Variants in GTF2E2 observed in about 807,000 individuals in gnomAD.
The protein encoded by GTF2E2 is transcription initiation factor IIE subunit beta.
In GTF2E2, 21 loss-of-function variants were observed where a neutral mutation model predicts 40.5. The observed-to-expected ratio is 0.52, with a 90% confidence interval of 0.37 to 0.75. The LOEUF (loss-of-function observed/expected upper bound fraction) is 0.75. Ranked by LOEUF, GTF2E2 falls within the 30% of genes least tolerant of loss-of-function variation. GTF2E2 has a pLI of 0.00. For missense variants in GTF2E2, 298 were observed against 338.4 expected, an observed-to-expected ratio of 0.88 and a Z score of 0.94; for synonymous variants, 117 against 121.6, an observed-to-expected ratio of 0.96 and a Z score of 0.25.
chr8:30,631,122 G>A (rs985189694), intron 3 of GTF2E2, among the ~76,000 whole-genome samples: 18 of 152,102 alleles, frequency 1.2e-4, no homozygotes, highest in African/African-American at 4.1e-4. Flanking sequence ...CCACCTCCCA[G>A]GCTCATGTGA....
chr8:30,653,617 T>C lies in GTF2E2; in HGVS notation c.-4-15A>G, dbSNP rs1432925299. 6 of 1,591,116 alleles carry C rather than the reference T, an allele frequency of 3.8e-6. No homozygotes were observed. The highest frequency in any genetic ancestry group is 3.4e-5 in the South Asian group (3 of 88,090). ...GATCCATAATGCTACAAAGAAAAAA[T>C]AAGTGTCTTTAATACAAATTCAAGT... On this transcript the variant is annotated splice_polypyrimidine_tract_variant and intron_variant, in intron 1 of 7. Transcript: ENST00000355904.
At chr8:30,599,988 T>A (rs541791717) in intron 6 of GTF2E2, among the ~76,000 whole-genome samples, 46 of 151,844 alleles carry the variant, frequency 3.0e-4, no homozygotes, top group Non-Finnish European at 6.5e-4. Flanking sequence ...TCTCAAAAAA[T>A]AAATAAATAA....
intron 3 of GTF2E2, among the ~76,000 whole-genome samples, chr8:30,628,480 A>G (rs1348557187): frequency 1.3e-5 from 2 of 152,214 alleles, no homozygotes; most frequent in African/African-American, 4.8e-5. Context: ...ATAAATGTGA[A>G]CTCGGAGGTA....
At chr8:30,599,946 G>A (rs532873491) in intron 6 of GTF2E2, among the ~76,000 whole-genome samples, 71 of 152,250 alleles carry the variant, frequency 4.7e-4, no homozygotes, top group African/African-American at 1.7e-3. Flanking sequence ...TCACGCCACT[G>A]CACCCCAGCC....
chr8:30,638,316 T>C (rs1208075376), intron 2 of GTF2E2, among the ~76,000 whole-genome samples: 4 of 152,212 alleles, frequency 2.6e-5, no homozygotes, highest in African/African-American at 9.7e-5. Context: ...CACTGAAGTA[T>C]TCACTGAAGG....
rs140440274 is a variant in GTF2E2, at chr8:30,607,154, A to C, written c.550-4T>G. The C allele has an allele frequency of 8.6e-7, 1 of 1,161,224 alleles. No homozygotes were observed. Among genetic ancestry groups the C allele is most frequent in the Non-Finnish European group, 1.2e-6 (1 of 803,628 alleles). The allele number at this position is 1,161,224 out of a possible 1,614,324, so 71.9% of individuals were successfully genotyped here. A position where few individuals can be genotyped will look rare whatever the true frequency, so the allele number is the denominator to read the frequency against. The stretch of plus-strand genomic sequence containing the variant: ...ATAGTATCTGGTCCCCCAAAGCCTT[A>C]AAGATAGATAAAATAAAGATTTTTC... On this transcript the variant is annotated splice_region_variant and splice_polypyrimidine_tract_variant and intron_variant, in intron 5 of 7. Transcript: ENST00000355904.
At chr8:30,601,527 G>A (rs1315355047) in intron 6 of GTF2E2, among the ~76,000 whole-genome samples, 1 of 151,970 alleles carries the variant, frequency 6.6e-6, no homozygotes, top group East Asian at 1.9e-4. Flanking sequence ...ACAAGGCTCA[G>A]GACACTCCCC....
At chr8:30,653,264 C>G (rs1802342262) in intron 2 of GTF2E2, among the ~76,000 whole-genome samples, 169 bp downstream of exon 2, 1 of 152,156 alleles carries the variant, frequency 6.6e-6, no homozygotes, top group Non-Finnish European at 1.5e-5. Flanking sequence ...AACTACAGCA[C>G]AAGACTATTA....
chr8:30,649,104 A>G (rs1402890689), intron 2 of GTF2E2, among the ~76,000 whole-genome samples: 1 of 152,146 alleles, frequency 6.6e-6, no homozygotes. Flanking sequence ...TTTGTTTATG[A>G]TGAGTTAATT....
intron 6 of GTF2E2, among the ~76,000 whole-genome samples, chr8:30,595,552 G>T (rs528186654): frequency 6.6e-6 from 1 of 152,050 alleles, no homozygotes. Context: ...TATTTTTGCC[G>T]GATGCAGTTG....
rs368200892 is a variant in GTF2E2, at chr8:30,644,620, T to C, written c.166+8813A>G. 3.2e-4 allele frequency: 49 copies of C among 152,260 alleles called. 1 individual carries two copies. The highest frequency in any genetic ancestry group is 1.2e-3 in the African/African-American group (49 of 41,536). The allele number at this position is 152,260 out of a possible 1,614,324, so 9.4% of individuals were successfully genotyped here. A position where few individuals can be genotyped will look rare whatever the true frequency, so the allele number is the denominator to read the frequency against. On this transcript the variant is annotated intron_variant, in intron 2 of 7. Coordinates refer to ENST00000355904, the MANE Select transcript of GTF2E2 (RefSeq NM_002095.6). ...ATGATAAAAGCTTTTCCAGGGGCAGTTTGAAGAACATAACCTTAAAACGCC... is the reference window on the plus strand; with the variant it reads ...ATGATAAAAGCTTTTCCAGGGGCAGCTTGAAGAACATAACCTTAAAACGCC...
chr8:30,617,779 ACTAT>A (rs1800965958), intron 3 of GTF2E2, among the ~76,000 whole-genome samples: 1 of 151,934 alleles, frequency 6.6e-6, no homozygotes, highest in African/African-American at 2.4e-5. Context: ...TAGGTAAACA[ACTAT>A]CTGTCAGGAA....
chr8:30,629,633 G>A (rs549018290), intron 3 of GTF2E2, among the ~76,000 whole-genome samples: 3 of 144,282 alleles, frequency 2.1e-5, no homozygotes, highest in African/African-American at 7.8e-5. Context: ...AGCTTGCAAT[G>A]AGCCAAGATC....
chr8:30,588,728 G>T (rs921281872), intron 6 of GTF2E2, among the ~76,000 whole-genome samples: 1 of 152,194 alleles, frequency 6.6e-6, no homozygotes, highest in Admixed American at 6.5e-5. Context: ...TCAGAGTGAT[G>T]CTGGGACACA....
intron 2 of GTF2E2, among the ~76,000 whole-genome samples, chr8:30,648,438 T>A (rs2128729332): frequency 6.6e-6 from 1 of 152,340 alleles, no homozygotes; most frequent in South Asian, 2.1e-4. Flanking sequence ...ACAGCTAACC[T>A]AGCAATCCAA....
At chr8:30,657,755 T>C (rs927129542) in intron 1 of GTF2E2, 1 of 152,242 alleles carries the variant, frequency 6.6e-6, no homozygotes, top group Non-Finnish European at 1.5e-5. Flanking sequence ...GAATTTTCCC[T>C]CTTTCCAACC....
intron 6 of GTF2E2, among the ~76,000 whole-genome samples, chr8:30,600,615 A>C (rs1435499167): frequency 6.6e-6 from 1 of 152,178 alleles, no homozygotes. Context: ...ATAATAAAAA[A>C]TAAATTAAAA....
In GTF2E2 at chr8:30,585,524, T is replaced by C. The variant is rs77376543; in HGVS notation, c.644-5128A>G. ...TAAAGATGTGGAAAATACACACCAATAGGTATCCCCAGAGAAAAGAATACA... is the reference window on the plus strand; with the variant it reads ...TAAAGATGTGGAAAATACACACCAACAGGTATCCCCAGAGAAAAGAATACA... On this transcript the variant is annotated intron_variant, in intron 6 of 7. Transcript: ENST00000355904. Among the ~76,000 whole-genome samples the C allele has an allele frequency of 5.3e-3, 802 of 152,224 alleles. 11 individuals are homozygous for C. Among genetic ancestry groups the C allele is most frequent in the African/African-American group, 0.018 (759 of 41,532 alleles).
chr8:30,618,561 AT>A (rs1292464674), intron 3 of GTF2E2, among the ~76,000 whole-genome samples: 3 of 151,622 alleles, frequency 2.0e-5, no homozygotes, highest in Non-Finnish European at 2.9e-5. Context: ...ATTGTGGAGA[AT>A]TTTTTTTTAA....
Sources: gnomAD v4.1 joint callset for allele counts (sites outside exome capture counted in the v4.1 genomes callset) on GRCh38, gnomAD v4.1.1 for gene constraint, MANE v1.5 for transcripts, NCBI Gene and HGNC (gene_info 2026-07-23, HGNC 2026-07-21) for gene names.